RARS2: variants seen among roughly 807,000 people sequenced by gnomAD.
RARS2 encodes probable arginine--tRNA ligase, mitochondrial.
A neutral mutation model predicts 88.5 loss-of-function variants in RARS2; 67 were observed. The ratio of observed to expected loss-of-function variants is 0.76; its 90% CI spans 0.62 to 0.93. RARS2 has a LOEUF of 0.93. RARS2 is among the 40% of genes least tolerant of loss of function. RARS2 has a pLI of 0.00. For synonymous variants in RARS2, 239 were observed against 230.3 expected (o/e 1.04, Z -0.34); for missense variants, 664 against 684.2 (o/e 0.97, Z 0.33).
At chr6:87,568,816 G>A (rs1414449213) in intron 2 of RARS2, among the ~76,000 whole-genome samples, 1 of 152,200 alleles carries the variant, frequency 6.6e-6, no homozygotes, top group Non-Finnish European at 1.5e-5. Context: ...TACAAGGACA[G>A]AATGGTACTG....
intron 1 of RARS2, among the ~76,000 whole-genome samples, chr6:87,585,720 A>G (rs183489713): frequency 7.3e-5 from 11 of 149,938 alleles, no homozygotes; most frequent in African/African-American, 2.5e-4. Flanking sequence ...CGACTGAGCA[A>G]GACTCCATCT....
intron 1 of RARS2, among the ~76,000 whole-genome samples, chr6:87,586,973 A>G (rs1775373629): frequency 6.6e-6 from 1 of 151,852 alleles, no homozygotes; most frequent in South Asian, 2.1e-4. Context: ...CAGTGGCACA[A>G]TCTTGGCTCA....
At chr6:87,588,952 A>G (rs1776078949) in intron 1 of RARS2, among the ~76,000 whole-genome samples, 1 of 152,232 alleles carries the variant, frequency 6.6e-6, no homozygotes, top group African/African-American at 2.4e-5. Context: ...CTGTCTTAAC[A>G]AAATGTCATG....
At chr6:87,518,541 C>A (rs1189341063) in intron 16 of RARS2, 89 bp downstream of exon 16, 5 of 1,415,774 alleles carry the variant, frequency 3.5e-6, no homozygotes, top group Non-Finnish European at 4.9e-6. Flanking sequence ...TGGAAAAGCC[C>A]AGAAAACAGG....
At chr6:87,545,753 T>C (rs1191089609) in intron 6 of RARS2, 54 bp from the exon 7 acceptor site, 1 of 1,583,840 alleles carries the variant, frequency 6.3e-7, no homozygotes, top group African/African-American at 1.4e-5. Context: ...TTTTTTGACA[T>C]AAGAACCATG....
At chr6:87,524,445 G>A (rs916390193) in intron 11 of RARS2, 112 bp downstream of exon 11, 19 of 884,924 alleles carry the variant, frequency 2.1e-5, no homozygotes, top group Non-Finnish European at 3.4e-5. Context: ...ACAGTTTATA[G>A]AATAATGTCA....
chr6:87,562,857 A>G, intron 3 of RARS2, 72 bp from the exon 4 acceptor site: 1 of 1,232,544 alleles, frequency 8.1e-7, no homozygotes, highest in South Asian at 1.2e-5. Context: ...TTCTAATGCT[A>G]TTTTTGGCTT....
chr6:87,589,757 C>A, intron 1 of RARS2, 165 bp downstream of exon 1: 1 of 985,226 alleles, frequency 1.0e-6, no homozygotes, highest in Non-Finnish European at 1.2e-6. Context: ...CTCCACAGGA[C>A]TTCTGAAGCT....
At chr6:87,547,469 T>C (rs1782924928) in intron 6 of RARS2, among the ~76,000 whole-genome samples, 1 of 152,188 alleles carries the variant, frequency 6.6e-6, no homozygotes, top group South Asian at 2.1e-4. Context: ...GAGATTAGAT[T>C]GAGATAAACT....
chr6:87,548,726 T>C, intron 5 of RARS2, 80 bp from the exon 6 acceptor site: 2 of 1,318,280 alleles, frequency 1.5e-6, no homozygotes, highest in Non-Finnish European at 2.2e-6. Context: ...CTCCATACTT[T>C]GACAAAACTG....
chr6:87,568,084 T>A (rs1022658504), intron 2 of RARS2, among the ~76,000 whole-genome samples: 1 of 152,246 alleles, frequency 6.6e-6, no homozygotes, highest in Admixed American at 6.5e-5. Flanking sequence ...ATATTTATTT[T>A]CTATAAACTA....
chr6:87,563,138 A>G (rs1788381651), intron 3 of RARS2, among the ~76,000 whole-genome samples: 1 of 152,232 alleles, frequency 6.6e-6, no homozygotes, highest in African/African-American at 2.4e-5. Flanking sequence ...CATGAGAGCC[A>G]CAGAACATGA....
chr6:87,557,531 C>T (rs1232350995), intron 4 of RARS2, among the ~76,000 whole-genome samples: 1 of 152,210 alleles, frequency 6.6e-6, no homozygotes, highest in Non-Finnish European at 1.5e-5. Context: ...CCTCTATCTA[C>T]TGATTTATCT....
At chr6:87,547,659 T>C (rs1042607907) in intron 6 of RARS2, among the ~76,000 whole-genome samples, 16 of 152,072 alleles carry the variant, frequency 1.1e-4, no homozygotes, top group African/African-American at 3.9e-4. Context: ...TCTTTTTTTT[T>C]TTGAGACAGA....
intron 10 of RARS2, among the ~76,000 whole-genome samples, chr6:87,528,141 T>G (rs531924594): frequency 6.7e-6 from 1 of 149,362 alleles, no homozygotes; most frequent in Admixed American, 6.7e-5. Flanking sequence ...AACAAGTATA[T>G]GAAAAGGTGC....
At chr6:87,544,737 T>C (rs1229027632) in intron 7 of RARS2, among the ~76,000 whole-genome samples, 1 of 152,204 alleles carries the variant, frequency 6.6e-6, no homozygotes, top group Non-Finnish European at 1.5e-5. Flanking sequence ...GTAAACTCAT[T>C]ATATGAGAGA....
intron 1 of RARS2, among the ~76,000 whole-genome samples, chr6:87,574,265 A>G (rs1757855455): frequency 6.6e-6 from 1 of 152,250 alleles, no homozygotes; most frequent in African/African-American, 2.4e-5. Flanking sequence ...TTTTACAGGA[A>G]GACAGAAAAA....
At chr6:87,536,370 C>T (rs559284730) in intron 8 of RARS2, among the ~76,000 whole-genome samples, 2 of 152,170 alleles carry the variant, frequency 1.3e-5, no homozygotes, top group South Asian at 2.1e-4. Flanking sequence ...GGCGTGGTGG[C>T]TCACACCTGT....
intron 1 of RARS2, among the ~76,000 whole-genome samples, chr6:87,582,095 G>A (rs899561256): frequency 5.9e-5 from 9 of 152,156 alleles, no homozygotes; most frequent in Admixed American, 3.9e-4. Flanking sequence ...GTAGCAGAAT[G>A]ATTTATATTC....
Sources: gnomAD v4.1 joint callset for allele counts (sites outside exome capture counted in the v4.1 genomes callset) on GRCh38, gnomAD v4.1.1 for gene constraint, MANE v1.5 for transcripts, NCBI Gene and HGNC (gene_info 2026-07-23, HGNC 2026-07-21) for gene names.